AK5: variants seen among roughly 807,000 people sequenced by gnomAD.
AK5 encodes adenylate kinase 5.
Under a neutral mutation model 69.5 loss-of-function variants are expected in AK5, and 27 were observed. That is an observed-to-expected ratio of 0.39 (90% CI 0.29 to 0.54). The LOEUF (loss-of-function observed/expected upper bound fraction) is 0.54, where lower values mean the gene tolerates loss of function less well. AK5 is among the 20% of genes least tolerant of loss of function. The pLI, the probability that AK5 is intolerant of heterozygous loss-of-function variation, is 0.71. For missense variants in AK5, 531 were observed against 700.4 expected, an observed-to-expected ratio of 0.76 and a Z score of 2.73; for synonymous variants, 260 against 244.4, an observed-to-expected ratio of 1.06 and a Z score of -0.60.
chr1:77,478,354 G>T (rs756489874), intron 8 of AK5, among the ~76,000 whole-genome samples: 6 of 152,190 alleles, frequency 3.9e-5, no homozygotes, highest in Admixed American at 3.3e-4. Context: ...GGAAATGATT[G>T]AATCATGGGG....
At chr1:77,326,856 A>T (rs749010012) in intron 5 of AK5, among the ~76,000 whole-genome samples, 1 of 151,888 alleles carries the variant, frequency 6.6e-6, no homozygotes, top group Non-Finnish European at 1.5e-5. Flanking sequence ...TTAGCTCCAA[A>T]TTTTTTTTGA....
intron 5 of AK5, among the ~76,000 whole-genome samples, chr1:77,328,603 A>G (rs1013767051): frequency 1.3e-5 from 2 of 152,230 alleles, no homozygotes; most frequent in Non-Finnish European, 1.5e-5. Context: ...GATTTGAGCC[A>G]TAAAAATGAA....
At chr1:77,475,367 ACAAATATATAT>A (rs1654808302) in intron 8 of AK5, among the ~76,000 whole-genome samples, 1 of 124,998 alleles carries the variant, frequency 8.0e-6, no homozygotes, top group African/African-American at 3.2e-5. Context: ...TTATATATAT[ACAAATATATAT>A]TATATATATG....
intron 6 of AK5, among the ~76,000 whole-genome samples, chr1:77,361,830 C>T (rs953321038): frequency 6.6e-6 from 1 of 152,122 alleles, no homozygotes; most frequent in Non-Finnish European, 1.5e-5. Flanking sequence ...GGAAAGACAT[C>T]CTCACCCCCG....
intron 8 of AK5, among the ~76,000 whole-genome samples, chr1:77,457,105 T>C (rs1653538508): frequency 6.6e-6 from 1 of 152,186 alleles, no homozygotes; most frequent in African/African-American, 2.4e-5. Flanking sequence ...GGTCAGGCGT[T>C]GTTCTGATTT....
chr1:77,422,384 T>C (rs1013606577), intron 8 of AK5, among the ~76,000 whole-genome samples: 14 of 152,194 alleles, frequency 9.2e-5, no homozygotes, highest in African/African-American at 3.4e-4. Context: ...ATTTCAGAAT[T>C]AAACTGGAAG....
In AK5 at chr1:77,297,858, C is replaced by G. The variant is rs779706907; in HGVS notation, c.610C>G (p.Gln204Glu). The G allele has an allele frequency of 6.2e-7, 1 of 1,612,244 alleles. No individual in the cohort carries two copies. Among genetic ancestry groups the G allele is most frequent in the Non-Finnish European group, 8.5e-7 (1 of 1,179,480 alleles). The change falls in exon 5 of 14, where the codon CAA (glutamine) becomes GAA (glutamate). Residue 204 changes from glutamine to glutamate, a missense_variant. Transcript: ENST00000354567. ...GGAAACAACAATTACAGAGATAAAA[C>G]AAAAATTGATGCAAATACCTGATGA... ...PQETTITEIK[Q>E]KLMQIPDEEG...
At chr1:77,553,530 C>G (rs993927717) in intron 13 of AK5, among the ~76,000 whole-genome samples, 1 of 152,142 alleles carries the variant, frequency 6.6e-6, no homozygotes, top group Non-Finnish European at 1.5e-5. Flanking sequence ...AATTATATTC[C>G]TCTTCTGGGG....
At chr1:77,310,581 C>T (rs893563581) in intron 5 of AK5, among the ~76,000 whole-genome samples, 1 of 151,992 alleles carries the variant, frequency 6.6e-6, no homozygotes, top group African/African-American at 2.4e-5. Flanking sequence ...CGGGGTTTCA[C>T]CGTGTTAGCC....
intron 6 of AK5, among the ~76,000 whole-genome samples, chr1:77,363,586 T>G (rs938549812): frequency 1.4e-4 from 21 of 152,204 alleles, no homozygotes; most frequent in Admixed American, 2.0e-4. Context: ...TGTAGTATCC[T>G]GTTCTCTCTA....
At chr1:77,513,258 T>C (rs1657451828) in intron 10 of AK5, among the ~76,000 whole-genome samples, 1 of 152,116 alleles carries the variant, frequency 6.6e-6, no homozygotes, top group African/African-American at 2.4e-5. Flanking sequence ...ACCCTTCCCC[T>C]TCCTAAGGAG....
chr1:77,285,113 C>T (rs907164319), intron 1 of AK5, among the ~76,000 whole-genome samples: 3 of 152,092 alleles, frequency 2.0e-5, no homozygotes, highest in African/African-American at 4.8e-5. Context: ...TAAACTAGAG[C>T]CATCACTAAT....
intron 6 of AK5, among the ~76,000 whole-genome samples, chr1:77,369,821 AG>A (rs1175246047): frequency 6.6e-6 from 1 of 152,226 alleles, no homozygotes; most frequent in Non-Finnish European, 1.5e-5. Context: ...TTTTGACAAA[AG>A]CATTAAGGAT....
rs1391568930 is a variant in AK5 at position 77,535,846 on chromosome 1, G to A, written c.1429-1G>A. On this transcript the variant is annotated splice_acceptor_variant, in intron 12 of 13. Coordinates refer to ENST00000354567, the MANE Select transcript of AK5 (RefSeq NM_174858.3). LOFTEE classifies it high-confidence loss of function. ...GTGTTGTGCTCCACTCCCATCTCCA[G>A]ATTGGAGACCCACAGTTGGTGATCT... The A allele has an allele frequency of 6.2e-7, 1 of 1,611,324 alleles. No homozygotes were observed. The highest frequency in any genetic ancestry group is 1.7e-5 in the Admixed American group (1 of 59,304).
intron 6 of AK5, among the ~76,000 whole-genome samples, chr1:77,404,577 C>T (rs890743218): frequency 5.9e-5 from 9 of 152,100 alleles, no homozygotes; most frequent in South Asian, 2.1e-4. Flanking sequence ...GAATGCTCTT[C>T]AGGGTTCAGT....
At chr1:77,369,624 C>T (rs892758308) in intron 6 of AK5, among the ~76,000 whole-genome samples, 21 of 151,538 alleles carry the variant, frequency 1.4e-4, no homozygotes, top group African/African-American at 1.9e-4. Flanking sequence ...TTATATAATC[C>T]GAAGATAAAA....
intron 6 of AK5, among the ~76,000 whole-genome samples, chr1:77,367,886 T>TATGTTATATATAATATATATAAC (rs1647024281): frequency 7.3e-5 from 1 of 13,624 alleles, no homozygotes; most frequent in African/African-American, 2.5e-4. Context: ...TAATATAAAA[T>TATGTTATATATAATATATATAAC]ATATGTGATA....
intron 5 of AK5, among the ~76,000 whole-genome samples, chr1:77,319,882 C>T (rs780060390): frequency 8.5e-5 from 13 of 152,108 alleles, no homozygotes; most frequent in African/African-American, 1.4e-4. Context: ...GTGTGCCCCA[C>T]GTTATGAGAA....
chr1:77,377,767 C>CT (rs2100494339), intron 6 of AK5, among the ~76,000 whole-genome samples: 1 of 152,268 alleles, frequency 6.6e-6, no homozygotes, highest in African/African-American at 2.4e-5. Context: ...TTCCATACTT[C>CT]TGTGCTTTAA....
Sources: gnomAD v4.1 joint callset for allele counts (sites outside exome capture counted in the v4.1 genomes callset) on GRCh38, gnomAD v4.1.1 for gene constraint, MANE v1.5 for transcripts, NCBI Gene and HGNC (gene_info 2026-07-23, HGNC 2026-07-21) for gene names.